Variants in FAF1 observed in about 807,000 individuals in gnomAD.
FAF1 encodes the protein FAS-associated factor 1.
In FAF1, 25 loss-of-function variants were observed where a neutral mutation model predicts 92.5. The ratio of observed to expected loss-of-function variants is 0.27; its 90% CI spans 0.20 to 0.38. FAF1 has a LOEUF of 0.38. FAF1 is among the 10% of genes least tolerant of loss of function. The probability of loss-of-function intolerance (pLI) is 1.00; values close to 1 mark genes in which losing one functional copy is unlikely to be tolerated. For missense variants in FAF1, 636 were observed against 793.3 expected (o/e 0.80, Z 2.38); for synonymous variants, 234 against 273.2 (o/e 0.86, Z 1.42).
chr1:50,626,540 C>T (rs186955802), intron 8 of FAF1, among the ~76,000 whole-genome samples: 1 of 152,132 alleles, frequency 6.6e-6, no homozygotes, highest in Admixed American at 6.5e-5. Flanking sequence ...GAACAGAGAA[C>T]AAGAGGCAAT....
intron 7 of FAF1, among the ~76,000 whole-genome samples, chr1:50,669,821 C>T (rs1569723767): frequency 6.6e-6 from 1 of 152,262 alleles, no homozygotes; most frequent in Middle Eastern, 3.4e-3. Flanking sequence ...CTGCCTGAGG[C>T]ATAAAATTTT....
intron 4 of FAF1, among the ~76,000 whole-genome samples, chr1:50,748,116 T>C (rs1441257742): frequency 6.6e-5 from 10 of 152,138 alleles, no homozygotes; most frequent in Non-Finnish European, 1.5e-5. Context: ...GAAAGCTTTG[T>C]GAGAGAAATG....
chr1:50,446,554 T>C (rs904055178), intron 18 of FAF1, among the ~76,000 whole-genome samples: 2 of 152,152 alleles, frequency 1.3e-5, no homozygotes, highest in African/African-American at 2.4e-5. Flanking sequence ...CCTGTACTAT[T>C]AGGCTGGGAG....
At chr1:50,862,281 T>C (rs1644441413) in intron 1 of FAF1, among the ~76,000 whole-genome samples, 1 of 151,888 alleles carries the variant, frequency 6.6e-6, no homozygotes, top group Non-Finnish European at 1.5e-5. Context: ...TCCAACTCAG[T>C]AGACAAAGTC....
At chr1:50,525,767 G>A (rs1313224017) in intron 15 of FAF1, among the ~76,000 whole-genome samples, 1 of 152,014 alleles carries the variant, frequency 6.6e-6, no homozygotes, top group Admixed American at 6.5e-5. Flanking sequence ...GAAAGGGTGT[G>A]GATTTTGGCC....
rs150188588 is a variant in FAF1 at position 50,592,258 on chromosome 1, C to T, written c.840+3863G>A. Among the ~76,000 whole-genome samples, 150 of 150,180 alleles carry T rather than the reference C, an allele frequency of 1.0e-3. 1 individual carries two copies. The highest frequency in any genetic ancestry group is 3.5e-3 in the African/African-American group (147 of 41,430). ...CATAGTTATAAACTGATGCTTTTAA[C>T]ATTACATTAAAACTTTTTGTTGTTG... On this transcript the variant is annotated intron_variant, in intron 9 of 18. Transcript: ENST00000396153.
chr1:50,926,955 T>C (rs770257276), intron 1 of FAF1, among the ~76,000 whole-genome samples: 2 of 152,146 alleles, frequency 1.3e-5, no homozygotes, highest in Non-Finnish European at 2.9e-5. Flanking sequence ...TTCTGACACA[T>C]GCTATAAAAC....
intron 6 of FAF1, among the ~76,000 whole-genome samples, chr1:50,715,171 TG>T (rs1315117704): frequency 6.6e-6 from 1 of 152,228 alleles, no homozygotes; most frequent in African/African-American, 2.4e-5. Context: ...ACTTTGTCCC[TG>T]GGGCTCCAGT....
chr1:50,684,094 C>G (rs1269688633), intron 7 of FAF1, among the ~76,000 whole-genome samples: 1 of 151,898 alleles, frequency 6.6e-6, no homozygotes, highest in Non-Finnish European at 1.5e-5. Flanking sequence ...TATTGGTTTC[C>G]AACTTGGAAA....
intron 8 of FAF1, among the ~76,000 whole-genome samples, chr1:50,637,465 C>CAA (rs551259355): frequency 7.3e-6 from 1 of 137,334 alleles, no homozygotes; most frequent in African/African-American, 2.7e-5. Context: ...AAAAAGAAAA[C>CAA]AAAAAAAAAA....
Position 50,437,275 on chromosome 1 carries a change from A to G in FAF1, c.*4165T>C, listed in dbSNP as rs1458792627. The G allele has an allele frequency of 2.6e-5, 4 of 152,240 alleles. No individual in the cohort carries two copies. The highest frequency in any genetic ancestry group is 5.9e-5 in the Non-Finnish European group (4 of 68,038). The allele number at this position is 152,240 out of a possible 1,614,324, so 9.4% of individuals were successfully genotyped here. On this transcript the variant is annotated 3_prime_UTR_variant, in exon 19 of 19. Transcript: ENST00000396153. Reference sequence around the variant, plus strand: ...AAGAATGGACAGATTCTTCTCCCCAAATAGGATGACGTAAATGGTGATTCT... The same window carrying G: ...AAGAATGGACAGATTCTTCTCCCCAGATAGGATGACGTAAATGGTGATTCT...
intron 5 of FAF1, among the ~76,000 whole-genome samples, chr1:50,739,381 CAT>C (rs1189329548): frequency 1.5e-4 from 22 of 147,970 alleles, no homozygotes; most frequent in South Asian, 1.5e-3. Flanking sequence ...CATACATATA[CAT>C]ATATGTGTGT....
At chr1:50,445,914 C>T (rs1646222264) in intron 18 of FAF1, among the ~76,000 whole-genome samples, 1 of 152,146 alleles carries the variant, frequency 6.6e-6, no homozygotes, top group Non-Finnish European at 1.5e-5. Flanking sequence ...GTGTTCTTTG[C>T]CAAACAGAGC....
rs1210319897 is a variant in FAF1, at chr1:50,583,925, T to TTGGAA, written c.968-211_968-210insTTCCA. Among the ~76,000 whole-genome samples, 2 of 152,030 alleles carry TTGGAA rather than the reference T, an allele frequency of 1.3e-5. No individual in the cohort carries two copies. The highest frequency in any genetic ancestry group is 4.8e-5 in the African/African-American group (2 of 41,452). On this transcript the variant is annotated intron_variant, in intron 10 of 18. Coordinates refer to ENST00000396153, the MANE Select transcript of FAF1 (RefSeq NM_007051.3). The surrounding 1 kb of genome is among the most constrained non-coding windows in gnomAD (Gnocchi z 4.2). The stretch of plus-strand genomic sequence containing the variant: ...CATCAAACCAGAATCAAAAAGAACC[T>TTGGAA]TAAAATATTCCAAGCTCATAAATTT...
intron 8 of FAF1, among the ~76,000 whole-genome samples, chr1:50,605,434 G>T (rs983666073): frequency 6.6e-6 from 1 of 152,150 alleles, no homozygotes; most frequent in African/African-American, 2.4e-5. Flanking sequence ...TACCTTTTTA[G>T]AGAGAATGGT....
intron 18 of FAF1, among the ~76,000 whole-genome samples, chr1:50,447,269 G>A (rs1489014671): frequency 2.0e-5 from 3 of 151,866 alleles, no homozygotes; most frequent in Non-Finnish European, 4.4e-5. Context: ...AGGACTACAG[G>A]TGCCCGCCAC....
intron 6 of FAF1, among the ~76,000 whole-genome samples, chr1:50,731,036 T>C (rs1658893349): frequency 1.3e-5 from 2 of 152,226 alleles, no homozygotes; most frequent in African/African-American, 4.8e-5. Flanking sequence ...AGCTGGGCTT[T>C]CCCAGAGATA....
chr1:50,581,021 C>G (rs539280946), intron 12 of FAF1, among the ~76,000 whole-genome samples: 1 of 152,188 alleles, frequency 6.6e-6, no homozygotes, highest in African/African-American at 2.4e-5. Flanking sequence ...GTGATCCACT[C>G]GCCGTGGCTT....
intron 2 of FAF1, among the ~76,000 whole-genome samples, chr1:50,851,748 C>G (rs1232495525): frequency 6.6e-6 from 1 of 152,062 alleles, no homozygotes; most frequent in Non-Finnish European, 1.5e-5. Context: ...AAAAGTGATA[C>G]AACAGGTAGA....
Sources: gnomAD v4.1 joint callset for allele counts (sites outside exome capture counted in the v4.1 genomes callset) on GRCh38, gnomAD v4.1.1 for gene constraint, Gnocchi (gnomAD v3.1) non-coding constraint, MANE v1.5 for transcripts, NCBI Gene and HGNC (gene_info 2026-07-23, HGNC 2026-07-21) for gene names.